The following PALLD variants were observed in gnomAD, a reference collection of about 807,000 sequenced individuals.
The protein encoded by PALLD is palladin.
Under a neutral mutation model 123.5 loss-of-function variants are expected in PALLD, and 61 were observed. The ratio of observed to expected loss-of-function variants is 0.49; its 90% CI spans 0.40 to 0.61. The LOEUF (loss-of-function observed/expected upper bound fraction) is 0.61, where lower values mean the gene tolerates loss of function less well. Among genes scored for constraint, PALLD ranks in the 20% least tolerant of loss-of-function variants. PALLD has a pLI of 0.00. For synonymous variants in PALLD, 465 were observed against 496.4 expected (o/e 0.94, Z 0.84); for missense variants, 1,273 against 1,377.0 (o/e 0.92, Z 1.20).
At chr4:168,709,204 G>T in intron 9 of PALLD, 57 bp downstream of exon 9, 2 of 1,593,844 alleles carry the variant, frequency 1.3e-6, no homozygotes, top group South Asian at 2.2e-5. Flanking sequence ...AGTGTGGATG[G>T]CCACAGCAGA....
chr4:168,698,503 A>G (rs1450472320), intron 8 of PALLD, among the ~76,000 whole-genome samples: 1 of 152,118 alleles, frequency 6.6e-6, no homozygotes, highest in Non-Finnish European at 1.5e-5. Flanking sequence ...AAATATATAT[A>G]CTTCCTATGT....
intron 10 of PALLD, among the ~76,000 whole-genome samples, chr4:168,798,198 C>G (rs1264620647): frequency 6.6e-6 from 1 of 152,094 alleles, no homozygotes; most frequent in Non-Finnish European, 1.5e-5. Context: ...TGTGCCTCCC[C>G]AGTTGGGGAG....
intron 2 of PALLD, among the ~76,000 whole-genome samples, chr4:168,589,389 A>G (rs1205475401): frequency 6.6e-6 from 1 of 152,058 alleles, no homozygotes; most frequent in African/African-American, 2.4e-5. Flanking sequence ...ATTGGCCCCA[A>G]TCCCTCTGAG....
rs146946385 is a variant in PALLD at position 168,774,805 on chromosome 4, C to T, written c.1964+62882C>T. 2.4e-3 allele frequency among the ~76,000 whole-genome samples: 355 copies of T among 150,576 alleles called. 4 individuals are homozygous for T. The highest frequency in any genetic ancestry group is 8.3e-3 in the African/African-American group (339 of 41,072). Reference sequence around the variant, plus strand: ...CTTCCTACCCCATTATAATCCCTTCCTCCTGCCACCTGCTCCCTCCTGGTA... The same window carrying T: ...CTTCCTACCCCATTATAATCCCTTCTTCCTGCCACCTGCTCCCTCCTGGTA... On this transcript the variant is annotated intron_variant, in intron 10 of 21. Coordinates refer to ENST00000505667, the MANE Select transcript of PALLD (RefSeq NM_001166108.2).
intron 1 of PALLD, among the ~76,000 whole-genome samples, chr4:168,499,795 T>C (rs1238438667): frequency 1.3e-5 from 2 of 152,230 alleles, no homozygotes; most frequent in Non-Finnish European, 2.9e-5. Flanking sequence ...CTGGACTCTC[T>C]AAAGAATCTG....
rs1737763140 is a variant in PALLD, at chr4:168,793,048, TG to T, written c.1964+81129del. 2.6e-5 allele frequency among the ~76,000 whole-genome samples: 4 copies of T among 151,080 alleles called. No individual in the cohort carries two copies. The South Asian group carries it at 8.3e-4, about 31-fold the overall frequency. On this transcript the variant is annotated intron_variant, in intron 10 of 21. Transcript: ENST00000505667. Reference sequence around the variant, plus strand: ...TCCCAAAGTGCTGGGATTACAGGAGTGGGGCGTATTTTTAAATGTGCGTAAT... The same window carrying T: ...TCCCAAAGTGCTGGGATTACAGGAGTGGGCGTATTTTTAAATGTGCGTAAT...
At chr4:168,791,669 G>A (rs1231240603) in intron 10 of PALLD, among the ~76,000 whole-genome samples, 2 of 152,134 alleles carry the variant, frequency 1.3e-5, no homozygotes, top group Non-Finnish European at 1.5e-5. Context: ...ATTTTGGGTG[G>A]CGACACAGCC....
intron 3 of PALLD, among the ~76,000 whole-genome samples, chr4:168,674,988 G>A (rs982626709): frequency 3.3e-5 from 5 of 152,062 alleles, no homozygotes; most frequent in Non-Finnish European, 5.9e-5. Flanking sequence ...ATGGCGAGAG[G>A]GTACCCTCAA....
At chr4:168,772,928 T>C (rs2247733) in intron 10 of PALLD, among the ~76,000 whole-genome samples, 138,967 of 152,170 alleles carry the variant, frequency 0.91, 63,517 homozygotes, top group African/African-American at 0.94. Context: ...GAAAGACGGC[T>C]GCTCATGCTT....
At chr4:168,779,128 C>T (rs1345145779) in intron 10 of PALLD, among the ~76,000 whole-genome samples, 2 of 152,184 alleles carry the variant, frequency 1.3e-5, no homozygotes, top group African/African-American at 2.4e-5. Context: ...AATATATCTT[C>T]ACTTCCTAAG....
intron 10 of PALLD, among the ~76,000 whole-genome samples, chr4:168,765,485 A>G (rs1733540637): frequency 6.6e-6 from 1 of 152,150 alleles, no homozygotes; most frequent in African/African-American, 2.4e-5. Flanking sequence ...GCATGGGATG[A>G]CCTCAGAGCC....
chr4:168,521,597 C>G (rs1404007024), intron 2 of PALLD, among the ~76,000 whole-genome samples: 2 of 152,108 alleles, frequency 1.3e-5, no homozygotes, highest in African/African-American at 2.4e-5. Context: ...CGCACTCTAC[C>G]TTTTCAAAAA....
rs149515803 is a variant in PALLD, at chr4:168,865,439, C to A, written c.1965-25483C>A. Among the ~76,000 whole-genome samples the A allele has an allele frequency of 8.4e-4, 128 of 152,274 alleles. 1 individual carries two copies. The highest frequency in any genetic ancestry group is 2.7e-3 in the African/African-American group (113 of 41,560). Reference sequence around the variant, plus strand: ...TTGGCTTGTATATCTTGGCCATTAGCATTTAAACTATCAATGGTAGACTTG... The same window carrying A: ...TTGGCTTGTATATCTTGGCCATTAGAATTTAAACTATCAATGGTAGACTTG... On this transcript the variant is annotated intron_variant, in intron 10 of 21. Transcript: ENST00000505667.
chr4:168,835,331 A>G (rs748581700), intron 10 of PALLD, among the ~76,000 whole-genome samples: 2 of 152,224 alleles, frequency 1.3e-5, no homozygotes, highest in Non-Finnish European at 2.9e-5. Flanking sequence ...CTAACCATAT[A>G]CTTTTTAAAA....
At chr4:168,819,910 G>T (rs367934030) in intron 10 of PALLD, among the ~76,000 whole-genome samples, 1 of 152,232 alleles carries the variant, frequency 6.6e-6, no homozygotes, top group Non-Finnish European at 1.5e-5. Context: ...AGTGAATCGT[G>T]CAGGGTCTCA....
chr4:168,643,811 G>GT (rs1777182112), intron 2 of PALLD, among the ~76,000 whole-genome samples: 1 of 152,122 alleles, frequency 6.6e-6, no homozygotes, highest in Non-Finnish European at 1.5e-5. Context: ...CTCTTGACAT[G>GT]TTTTTTCTCC....
intron 1 of PALLD, among the ~76,000 whole-genome samples, chr4:168,499,272 ATGGGAGGGAGGATGGGAGGGAG>A (rs1761103829): frequency 2.0e-5 from 1 of 48,946 alleles, no homozygotes; most frequent in Non-Finnish European, 3.9e-5. Flanking sequence ...GGGAGGGAGG[ATGGGAGGGAGGATGGGAGGGAG>A]GATGGGAGGG....
intron 10 of PALLD, among the ~76,000 whole-genome samples, chr4:168,786,186 G>A (rs761705107): frequency 6.6e-6 from 1 of 151,146 alleles, no homozygotes; most frequent in Non-Finnish European, 1.5e-5. Context: ...AAATTAGCTG[G>A]GCGTGGTGGT....
At chr4:168,893,451 T>G (rs2151206914) in intron 11 of PALLD, among the ~76,000 whole-genome samples, 1 of 152,326 alleles carries the variant, frequency 6.6e-6, no homozygotes, top group South Asian at 2.1e-4. Context: ...TCAGCTGGGA[T>G]TGAGATCAGC....
Sources: gnomAD v4.1 joint callset for allele counts (sites outside exome capture counted in the v4.1 genomes callset) on GRCh38, gnomAD v4.1.1 for gene constraint, MANE v1.5 for transcripts, NCBI Gene and HGNC (gene_info 2026-07-23, HGNC 2026-07-21) for gene names.